ROBO2: variants seen among roughly 807,000 people sequenced by gnomAD.
The protein encoded by ROBO2 is roundabout guidance receptor 2.
A neutral mutation model predicts 160.8 loss-of-function variants in ROBO2; 53 were observed. That is an observed-to-expected ratio of 0.33 (90% CI 0.26 to 0.41). The LOEUF (loss-of-function observed/expected upper bound fraction) is 0.41, where lower values mean the gene tolerates loss of function less well. ROBO2 is among the 10% of genes least tolerant of loss of function. The probability of loss-of-function intolerance (pLI) is 1.00; values close to 1 mark genes in which losing one functional copy is unlikely to be tolerated. For synonymous variants in ROBO2, 664 were observed against 611.7 expected, an observed-to-expected ratio of 1.09 and a Z score of -1.26; for missense variants, 1,577 against 1,722.4, an observed-to-expected ratio of 0.92 and a Z score of 1.49.
At chr3:77,109,293 T>G (rs1320285872) in intron 2 of ROBO2, among the ~76,000 whole-genome samples, 1 of 152,202 alleles carries the variant, frequency 6.6e-6, no homozygotes, top group Admixed American at 6.5e-5. Flanking sequence ...TAGAGATCTG[T>G]TACACAACAG....
chr3:77,171,309 G>A (rs905773108), intron 2 of ROBO2, among the ~76,000 whole-genome samples: 1 of 152,080 alleles, frequency 6.6e-6, no homozygotes, highest in African/African-American at 2.4e-5. Flanking sequence ...TGCATAACAG[G>A]GCCAAGGCAC....
chr3:77,151,493 C>G (rs1040308724), intron 2 of ROBO2, among the ~76,000 whole-genome samples: 3 of 152,122 alleles, frequency 2.0e-5, no homozygotes, highest in Non-Finnish European at 4.4e-5. Context: ...CAAGCTTTCT[C>G]TCATTCAGAT....
intron 2 of ROBO2, among the ~76,000 whole-genome samples, chr3:77,409,826 A>G (rs911749456): frequency 2.6e-5 from 4 of 152,182 alleles, no homozygotes; most frequent in African/African-American, 9.7e-5. Flanking sequence ...AAGACCAAGG[A>G]AAGAATCAAA....
intron 2 of ROBO2, among the ~76,000 whole-genome samples, chr3:76,510,919 GA>G (rs1177168943): frequency 6.6e-6 from 1 of 152,080 alleles, no homozygotes; most frequent in East Asian, 1.9e-4. Context: ...ACTGAAAACT[GA>G]AGGGAACAAA....
chr3:76,042,248 A>G (rs534576016), intron 2 of ROBO2, among the ~76,000 whole-genome samples: 17 of 152,142 alleles, frequency 1.1e-4, no homozygotes, highest in African/African-American at 4.1e-4. Flanking sequence ...TGAATAAAGT[A>G]CTTGATTTTA....
At chr3:76,748,538 T>C (rs1405441505) in intron 2 of ROBO2, among the ~76,000 whole-genome samples, 2 of 151,702 alleles carry the variant, frequency 1.3e-5, no homozygotes, top group South Asian at 4.2e-4. Flanking sequence ...AAAATGTAAA[T>C]GAAACATTAA....
At chr3:76,205,565 A>T (rs62267394) in intron 2 of ROBO2, among the ~76,000 whole-genome samples, 1 of 152,090 alleles carries the variant, frequency 6.6e-6, no homozygotes, top group Non-Finnish European at 1.5e-5. Flanking sequence ...ATTATCTACT[A>T]AGAGTCCATG....
intron 2 of ROBO2, among the ~76,000 whole-genome samples, chr3:77,253,386 C>T (rs575074195): frequency 1.3e-5 from 2 of 152,266 alleles, no homozygotes; most frequent in African/African-American, 4.8e-5. Flanking sequence ...AGAAAAATGA[C>T]TTCTCAAGAA....
rs772242755 is a variant in ROBO2 at position 76,650,646 on chromosome 3, A to G, written c.110-447368A>G. Among the ~76,000 whole-genome samples, 5 of 152,184 alleles carry G rather than the reference A, an allele frequency of 3.3e-5. No individual in the cohort carries two copies. The East Asian group carries it at 5.8e-4, about 18-fold the overall frequency. On this transcript the variant is annotated intron_variant, in intron 2 of 26. Coordinates refer to the ROBO2 transcript ENST00000487694. ...GTAGCAGTTATTTCCAAGTCATCAC[A>G]TTTTCCTCACATAAATTCTATTTTT...
At position 77,644,782 on chromosome 3, in the gene ROBO2, A is replaced by G. The variant is rs1195563836; in HGVS notation, c.4013A>G (p.Lys1338Arg). The G allele has an allele frequency of 2.5e-6, 4 of 1,613,924 alleles. No individual in the cohort carries two copies. The Admixed American group carries it at 6.7e-5, about 27-fold the overall frequency. ...AGCTCATCAGGAACAGCTTCTTCTA[A>G]GGGATCCACTGGACCTAGGAAAACC... Residue 1338 changes from lysine (K) to arginine (R), a missense_variant, in exon 25 of 26, where the codon AAG (lysine) becomes AGG (arginine). Around this residue, in one of 2 missense-constraint regions of ROBO2, gnomAD observed 637 missense variants for 586.9 expected, o/e 1.09. Coordinates refer to ENST00000461745, the Ensembl canonical transcript of ROBO2.
chr3:77,346,854 C>T (rs1190882958), intron 2 of ROBO2, among the ~76,000 whole-genome samples: 1 of 152,146 alleles, frequency 6.6e-6, no homozygotes, highest in African/African-American at 2.4e-5. Flanking sequence ...TCCCTTTCTC[C>T]TTTGTCCTTT....
chr3:76,207,214 C>G (rs542900311), intron 2 of ROBO2, among the ~76,000 whole-genome samples: 2 of 152,152 alleles, frequency 1.3e-5, no homozygotes, highest in African/African-American at 4.8e-5. Flanking sequence ...ATTTTATCTT[C>G]TAGTAAGTTT....
intron 2 of ROBO2, among the ~76,000 whole-genome samples, chr3:76,676,683 A>T (rs577325965): frequency 6.6e-6 from 1 of 150,920 alleles, no homozygotes; most frequent in Non-Finnish European, 1.5e-5. Flanking sequence ...CCATGCCCCA[A>T]GTGTTCTGCT....
chr3:75,907,502 A>G (rs1946398241), intron 1 of ROBO2, among the ~76,000 whole-genome samples: 1 of 152,104 alleles, frequency 6.6e-6, no homozygotes, highest in South Asian at 2.1e-4. Flanking sequence ...AGCTTATTAA[A>G]GGGAACTTCA....
intron 2 of ROBO2, among the ~76,000 whole-genome samples, chr3:76,084,739 C>T (rs1425692605): frequency 6.6e-6 from 1 of 152,002 alleles, no homozygotes; most frequent in African/African-American, 2.4e-5. Context: ...TTTGTATCTA[C>T]ATACACTGAC....
At chr3:76,585,854 A>T (rs1222404578) in intron 2 of ROBO2, among the ~76,000 whole-genome samples, 2 of 152,238 alleles carry the variant, frequency 1.3e-5, no homozygotes, top group Admixed American at 6.5e-5. Flanking sequence ...ATGCGTATAC[A>T]GTATGTTATA....
intron 2 of ROBO2, among the ~76,000 whole-genome samples, chr3:76,075,924 A>C (rs75586570): frequency 0.02 from 3,007 of 152,340 alleles, 97 homozygotes; most frequent in African/African-American, 0.068. Flanking sequence ...TTGATGAAAA[A>C]GTTTGGATTC....
chr3:77,062,273 T>C (rs2149777002), intron 1 of ROBO2, among the ~76,000 whole-genome samples: 1 of 152,318 alleles, frequency 6.6e-6, no homozygotes, highest in African/African-American at 2.4e-5. Context: ...TCATTATTTC[T>C]GTCTTCTGGG....
At chr3:77,551,623 C>A (rs2092924899) in intron 8 of ROBO2, among the ~76,000 whole-genome samples, 1 of 152,126 alleles carries the variant, frequency 6.6e-6, no homozygotes, top group Admixed American at 6.6e-5. Flanking sequence ...TGACAGCTAG[C>A]AAATTTGAGA....
Sources: gnomAD v4.1 joint callset for allele counts (sites outside exome capture counted in the v4.1 genomes callset) on GRCh38, gnomAD v4.1.1 for gene constraint, gnomAD v4.1.1 regional missense constraint, MANE v1.5 for transcripts, NCBI Gene and HGNC (gene_info 2026-07-23, HGNC 2026-07-21) for gene names.